Variants in FGD4 observed in about 807,000 individuals in gnomAD.
FGD4 encodes FYVE, RhoGEF and PH domain-containing protein 4.
Under a neutral mutation model 102.0 loss-of-function variants are expected in FGD4, and 42 were observed. That is an observed-to-expected ratio of 0.41 (90% CI 0.32 to 0.53). The LOEUF (loss-of-function observed/expected upper bound fraction) is 0.53, where lower values mean the gene tolerates loss of function less well. Among genes scored for constraint, FGD4 ranks in the 20% least tolerant of loss-of-function variants. The probability of loss-of-function intolerance (pLI) is 0.21; values close to 1 mark genes in which losing one functional copy is unlikely to be tolerated. For synonymous variants in FGD4, 380 were observed against 375.7 expected (o/e 1.01, Z -0.13); for missense variants, 902 against 1,078.2 (o/e 0.84, Z 2.29).
At chr12:32,533,092 C>T (rs373915982) in intron 1 of FGD4, among the ~76,000 whole-genome samples, 6 of 152,284 alleles carry the variant, frequency 3.9e-5, no homozygotes, top group Admixed American at 6.5e-5. Flanking sequence ...CTTTAATCCT[C>T]CCTAACCCAG....
chr12:32,526,429 C>T (rs935334270), intron 1 of FGD4, among the ~76,000 whole-genome samples: 1 of 152,260 alleles, frequency 6.6e-6, no homozygotes, highest in Non-Finnish European at 1.5e-5. Flanking sequence ...CTAGTGGGGC[C>T]TTGGAGAACC....
intron 1 of FGD4, among the ~76,000 whole-genome samples, chr12:32,531,652 C>T (rs952633666): frequency 7.2e-5 from 11 of 152,198 alleles, no homozygotes; most frequent in African/African-American, 2.2e-4. Flanking sequence ...GGATGTACCA[C>T]AGTTTGTTTC....
intron 2 of FGD4, among the ~76,000 whole-genome samples, chr12:32,572,124 GATAAA>G (rs753670555): frequency 1.2e-4 from 19 of 152,032 alleles, no homozygotes; most frequent in East Asian, 3.9e-4. Context: ...ACGCATAAAA[GATAAA>G]ATAGAAAAGA....
intron 4 of FGD4, among the ~76,000 whole-genome samples, chr12:32,590,029 C>T (rs770288063): frequency 3.9e-5 from 6 of 152,058 alleles, no homozygotes; most frequent in Admixed American, 2.6e-4. Context: ...CAAGGAATGC[C>T]GGGCGCGGTG....
At position 32,447,164 on chromosome 12, in the gene FGD4, G is replaced by A. The variant is rs548263759; in HGVS notation, c.166+47205G>A. On this transcript the variant is annotated intron_variant, in intron 1 of 16. Transcript: ENST00000534526. ...GCATGTCTCCTAGCTCATCCAGACC[G>A]ATGACTCCTTTGAGAAAATTTTTCT... Among the ~76,000 whole-genome samples the A allele has an allele frequency of 1.2e-4, 19 of 152,292 alleles. No individual in the cohort carries two copies. In the East Asian group the frequency reaches 3.3e-3, roughly 26 times the overall value.
chr12:32,416,658 C>T (rs2136407309), intron 1 of FGD4, among the ~76,000 whole-genome samples: 1 of 152,208 alleles, frequency 6.6e-6, no homozygotes, highest in East Asian at 1.9e-4. Flanking sequence ...AAACTATATA[C>T]TTTAACTTTC....
At chr12:32,487,503 G>A (rs979270190) in intron 1 of FGD4, among the ~76,000 whole-genome samples, 16 of 151,184 alleles carry the variant, frequency 1.1e-4, no homozygotes, top group Admixed American at 5.9e-4. Flanking sequence ...GTGTGATCTC[G>A]GCTCACTGCA....
chr12:32,420,973 A>AC (rs1941604759), intron 1 of FGD4, among the ~76,000 whole-genome samples: 1 of 152,094 alleles, frequency 6.6e-6, no homozygotes, highest in Non-Finnish European at 1.5e-5. Context: ...GCTCACTGCA[A>AC]CCTCGAACTC....
chr12:32,489,959 C>G (rs1481548758), intron 1 of FGD4, among the ~76,000 whole-genome samples: 1 of 152,054 alleles, frequency 6.6e-6, no homozygotes, highest in African/African-American at 2.4e-5. Flanking sequence ...ATCCTTTGAA[C>G]AGTGATGTCC....
At chr12:32,521,105 C>T (rs1592090351) in intron 1 of FGD4, among the ~76,000 whole-genome samples, 1 of 152,182 alleles carries the variant, frequency 6.6e-6, no homozygotes, top group East Asian at 1.9e-4. Flanking sequence ...AAGGACATTG[C>T]AGGCTGGGCG....
intron 1 of FGD4, among the ~76,000 whole-genome samples, chr12:32,401,485 T>G (rs1014730282): frequency 1.3e-5 from 2 of 152,000 alleles, no homozygotes; most frequent in Admixed American, 1.3e-4. Flanking sequence ...GGTCTCGAAC[T>G]CCTGATCTCA....
chr12:32,608,414 T>G (rs1335316647), intron 8 of FGD4, among the ~76,000 whole-genome samples: 1 of 152,242 alleles, frequency 6.6e-6, no homozygotes, highest in Admixed American at 6.5e-5. Flanking sequence ...ATATAGCCAT[T>G]CAGAATTACA....
At chr12:32,598,450 T>C in intron 4 of FGD4, 47 bp from the exon 5 acceptor site, 1 of 1,292,844 alleles carries the variant, frequency 7.7e-7, no homozygotes. Context: ...TTAGAAATAT[T>C]GTCCAAGGTA....
rs528504404 is a variant in FGD4, at chr12:32,506,055, C to T, written c.167-58082C>T. ...CCTGAGGCCCATAAAGATTAAGCAG[C>T]TTTTCCAAGGTCAGGAAACCTGTGA... On this transcript the variant is annotated intron_variant, in intron 1 of 16. Coordinates refer to ENST00000534526, the MANE Select transcript of FGD4 (RefSeq NM_001370298.3). The surrounding 1 kb of genome is among the most constrained non-coding windows in gnomAD (Gnocchi z 4.5). 1.1e-3 allele frequency among the ~76,000 whole-genome samples: 172 copies of T among 152,278 alleles called. 1 individual carries two copies. Among genetic ancestry groups the T allele is most frequent in the African/African-American group, 3.9e-3 (161 of 41,554 alleles).
chr12:32,584,361 G>T (rs187846962), intron 4 of FGD4, among the ~76,000 whole-genome samples: 1 of 152,146 alleles, frequency 6.6e-6, no homozygotes, highest in Non-Finnish European at 1.5e-5. Context: ...GTAGTGTTAA[G>T]ATGGTAAATC....
At chr12:32,451,834 CAAAAAAAA>C (rs60760923) in intron 1 of FGD4, among the ~76,000 whole-genome samples, 21 of 24,154 alleles carry the variant, frequency 8.7e-4, no homozygotes, top group African/African-American at 1.3e-3. Context: ...AACTCCATCT[CAAAAAAAA>C]AAAAAAAAAA....
intron 3 of FGD4, among the ~76,000 whole-genome samples, chr12:32,577,400 G>T (rs541314985): frequency 6.6e-6 from 1 of 152,150 alleles, no homozygotes. Flanking sequence ...TTTATTTGTC[G>T]GATTTACTGT....
intron 1 of FGD4, among the ~76,000 whole-genome samples, chr12:32,419,011 G>T (rs2087166): frequency 0.095 from 14,515 of 152,160 alleles, 830 homozygotes; most frequent in Middle Eastern, 0.2. Flanking sequence ...CTGGCTTATG[G>T]GGGGGTTCTG....
intron 1 of FGD4, among the ~76,000 whole-genome samples, chr12:32,531,235 C>T (rs1469508083): frequency 6.6e-6 from 1 of 151,982 alleles, no homozygotes; most frequent in South Asian, 2.1e-4. Flanking sequence ...AGCTGTGAGC[C>T]ACTCCACCCG....
Sources: allele counts gnomAD v4.1 joint callset (sites outside exome capture counted in the v4.1 genomes callset), GRCh38; gene constraint gnomAD v4.1.1; non-coding constraint Gnocchi (gnomAD v3.1); transcripts MANE v1.5; gene names NCBI Gene and HGNC (gene_info 2026-07-23, HGNC 2026-07-21).